Variants in ARHGAP6 observed in about 807,000 individuals in gnomAD.
The protein encoded by ARHGAP6 is rho GTPase-activating protein 6.
A neutral mutation model predicts 55.7 loss-of-function variants in ARHGAP6; 16 were observed. The observed-to-expected ratio is 0.29, with a 90% CI of 0.19 to 0.44. The LOEUF (loss-of-function observed/expected upper bound fraction) is 0.44, where lower values mean the gene tolerates loss of function less well. ARHGAP6 is among the 20% of genes least tolerant of loss of function. The pLI, the probability that ARHGAP6 is intolerant of heterozygous loss-of-function variation, is 1.00. For synonymous variants in ARHGAP6, 382 were observed against 360.9 expected (o/e 1.06, Z -0.66); for missense variants, 698 against 808.9 (o/e 0.86, Z 1.66).
intron 1 of ARHGAP6, among the ~76,000 whole-genome samples, chrX:11,623,379 A>T (rs1475269040): frequency 9.0e-6 from 1 of 111,277 alleles, no homozygotes; most frequent in African/African-American, 3.3e-5. Flanking sequence ...AAAGCAAAAG[A>T]TCTGTGCAAT....
At chrX:11,476,546 A>G (rs1359299392) in intron 1 of ARHGAP6, among the ~76,000 whole-genome samples, 13 of 111,510 alleles carry the variant, frequency 1.2e-4, no homozygotes, top group Admixed American at 4.8e-4. Flanking sequence ...TAGGACTTAC[A>G]GTGTCTGGTT....
intron 1 of ARHGAP6, among the ~76,000 whole-genome samples, chrX:11,467,472 C>A (rs1334863085): frequency 2.7e-5 from 3 of 110,991 alleles, no homozygotes; most frequent in Non-Finnish European, 3.8e-5. Flanking sequence ...AATTTCCTAC[C>A]TTAAACTTTG....
chrX:11,198,916 G>A (rs1315097487), intron 2 of ARHGAP6, among the ~76,000 whole-genome samples: 1 of 112,077 alleles, frequency 8.9e-6, no homozygotes, highest in Non-Finnish European at 1.9e-5. Flanking sequence ...ATAATTACTA[G>A]TCTGACTTTT....
intron 1 of ARHGAP6, among the ~76,000 whole-genome samples, chrX:11,305,960 G>A (rs1171736861): frequency 8.9e-6 from 1 of 111,751 alleles, no homozygotes; most frequent in Non-Finnish European, 1.9e-5. Context: ...CCAGGCCATC[G>A]AACACCCTAT....
chrX:11,524,121 A>T (rs1476649842), intron 1 of ARHGAP6, among the ~76,000 whole-genome samples: 2 of 112,077 alleles, frequency 1.8e-5, no homozygotes, highest in East Asian at 2.8e-4. Context: ...TTATAATAAA[A>T]GAAGTGATGT....
At position 11,249,319 on chromosome X, in the gene ARHGAP6, A is replaced by C. The variant is rs1441409095; in HGVS notation, c.748+5229T>G. ...GGATAAAAAACTATGAATTGTGTTCAGTGTATACTGCTTGGGTGATGGCTG... is the reference window on the plus strand; with the variant it reads ...GGATAAAAAACTATGAATTGTGTTCCGTGTATACTGCTTGGGTGATGGCTG... On this transcript the variant is annotated intron_variant, in intron 2 of 12. Coordinates refer to ENST00000337414, the MANE Select transcript of ARHGAP6 (RefSeq NM_013427.3). Among the ~76,000 whole-genome samples, 5 of 111,828 alleles carry C rather than the reference A, an allele frequency of 4.5e-5. No homozygotes were observed. In the East Asian group the frequency reaches 1.4e-3, roughly 31 times the overall value.
At chrX:11,529,132 G>C (rs896860597) in intron 1 of ARHGAP6, among the ~76,000 whole-genome samples, 4 of 111,594 alleles carry the variant, frequency 3.6e-5, no homozygotes, top group African/African-American at 1.3e-4. Context: ...TTAGTGTAAT[G>C]TCTGGAACAT....
At chrX:11,217,890 C>G (rs1210265327) in intron 2 of ARHGAP6, among the ~76,000 whole-genome samples, 3 of 111,792 alleles carry the variant, frequency 2.7e-5, no homozygotes, top group Non-Finnish European at 5.6e-5. Context: ...AATTTTTGTA[C>G]AAGGTGTAAG....
At chrX:11,400,250 C>T (rs2049530725) in intron 1 of ARHGAP6, among the ~76,000 whole-genome samples, 1 of 111,328 alleles carries the variant, frequency 9.0e-6, no homozygotes, top group Non-Finnish European at 1.9e-5. Context: ...TTTCTTAAAA[C>T]ATGCAAAAGA....
At chrX:11,174,566 C>CTT (rs1209216084) in intron 8 of ARHGAP6, among the ~76,000 whole-genome samples, 2 of 77,434 alleles carry the variant, frequency 2.6e-5, no homozygotes, top group South Asian at 6.5e-4. Flanking sequence ...TCCTTCCTTC[C>CTT]TTCCTTCCTT....
intron 1 of ARHGAP6, among the ~76,000 whole-genome samples, chrX:11,337,281 A>G (rs918178592): frequency 5.4e-5 from 6 of 111,824 alleles, no homozygotes; most frequent in Non-Finnish European, 9.4e-5. Flanking sequence ...TATATACTAT[A>G]TATATAATAC....
At chrX:11,328,567 C>T (rs2048525444) in intron 1 of ARHGAP6, among the ~76,000 whole-genome samples, 1 of 112,123 alleles carries the variant, frequency 8.9e-6, no homozygotes, top group African/African-American at 3.2e-5. Context: ...CCACTCTTTT[C>T]TGTCACGTCT....
intron 1 of ARHGAP6, among the ~76,000 whole-genome samples, chrX:11,507,429 G>A (rs2050745451): frequency 9.0e-6 from 1 of 111,379 alleles, no homozygotes; most frequent in Admixed American, 9.6e-5. Context: ...CAGGTGACAG[G>A]GAAATTTATC....
intron 1 of ARHGAP6, among the ~76,000 whole-genome samples, chrX:11,357,942 G>A: frequency 8.9e-6 from 1 of 111,780 alleles, no homozygotes; most frequent in Non-Finnish European, 1.9e-5. Context: ...AATCCAGTAA[G>A]TTTTAGTATA....
intron 1 of ARHGAP6, among the ~76,000 whole-genome samples, chrX:11,435,459 T>G (rs1187480117): frequency 8.9e-6 from 1 of 112,194 alleles, no homozygotes; most frequent in Admixed American, 9.4e-5. Flanking sequence ...GTCAGTGTTT[T>G]TGAAGGTATG....
chrX:11,421,848 T>C (rs2049827585), intron 1 of ARHGAP6, among the ~76,000 whole-genome samples: 1 of 112,117 alleles, frequency 8.9e-6, no homozygotes, highest in African/African-American at 3.2e-5. Flanking sequence ...TAGTAAGAAT[T>C]CAGTGAAACT....
intron 1 of ARHGAP6, among the ~76,000 whole-genome samples, chrX:11,607,554 G>A (rs1271165652): frequency 8.9e-6 from 1 of 112,173 alleles, no homozygotes; most frequent in Non-Finnish European, 1.9e-5. Flanking sequence ...TTACTCAGAG[G>A]AAAAATTCAT....
At chrX:11,629,905 C>T (rs2052341623) in intron 1 of ARHGAP6, among the ~76,000 whole-genome samples, 1 of 111,773 alleles carries the variant, frequency 8.9e-6, no homozygotes, top group South Asian at 3.7e-4. Flanking sequence ...ATTTCCAAAG[C>T]CTAACCAGTA....
chrX:11,160,457 A>C (rs2045928794), intron 9 of ARHGAP6, among the ~76,000 whole-genome samples: 1 of 65,067 alleles, frequency 1.5e-5, no homozygotes, highest in African/African-American at 5.1e-5. Flanking sequence ...ACTCTGTCTC[A>C]AAAAAAAAAA....
Sources: allele counts gnomAD v4.1 joint callset (sites outside exome capture counted in the v4.1 genomes callset), GRCh38; gene constraint gnomAD v4.1.1; transcripts MANE v1.5; gene names NCBI Gene and HGNC (gene_info 2026-07-23, HGNC 2026-07-21).